The following FOXP2 variants were observed in gnomAD, a reference collection of about 807,000 sequenced individuals.
FOXP2 encodes forkhead box P2, also known as forkhead box protein P2.
A neutral mutation model predicts 115.8 loss-of-function variants in FOXP2; 12 were observed. The ratio of observed to expected loss-of-function variants is 0.10; its 90% CI spans 0.07 to 0.17. The LOEUF is 0.17. Among genes scored for constraint, FOXP2 ranks in the 10% least tolerant of loss-of-function variants. The pLI, the probability that FOXP2 is intolerant of heterozygous loss-of-function variation, is 1.00. For synonymous variants in FOXP2, 328 were observed against 297.7 expected, an observed-to-expected ratio of 1.10 and a Z score of -1.05; for missense variants, 629 against 843.5, an observed-to-expected ratio of 0.75 and a Z score of 3.15.
At chr7:114,310,629 T>G (rs1214557570) in intron 2 of FOXP2, among the ~76,000 whole-genome samples, 1 of 152,108 alleles carries the variant, frequency 6.6e-6, no homozygotes, top group Non-Finnish European at 1.5e-5. Context: ...AAGCTGTGGT[T>G]TTCCTTTCTC....
intron 1 of FOXP2, among the ~76,000 whole-genome samples, chr7:114,212,099 T>TAAAAC (rs1794369173): frequency 1.1e-5 from 1 of 94,494 alleles, no homozygotes; most frequent in East Asian, 3.0e-4. Flanking sequence ...TAAAATAAAA[T>TAAAAC]AAAATAAAAT....
rs1333881396 is a variant in FOXP2, at chr7:114,688,577, AG to A, written c.2004-1203del. 2.6e-5 allele frequency among the ~76,000 whole-genome samples: 4 copies of A among 152,264 alleles called. No individual in the cohort carries two copies. The East Asian group carries it at 7.7e-4, about 29-fold the overall frequency. ...TGCATCTAATGTGTCAAAAATAATT[AG>A]GTTTTGGCAGATTTATCATTGCAGC... On this transcript the variant is annotated intron_variant, in intron 16 of 16. Transcript: ENST00000350908.
intron 1 of FOXP2, among the ~76,000 whole-genome samples, chr7:114,282,773 C>T (rs964494577): frequency 4.6e-5 from 7 of 152,114 alleles, no homozygotes; most frequent in Non-Finnish European, 1.0e-4. Flanking sequence ...GGCAGTTTTA[C>T]AGCATTTAGC....
rs1023859634 is a variant in FOXP2, at chr7:114,103,096, G to A, written c.-247+15258G>A. ...CATAATTTTACCAGAGTTCAGGGCC[G>A]AACAAAAATGTGAGAAATGTCTCCA... is the stretch of plus-strand genomic sequence containing the variant. On this transcript the variant is annotated intron_variant, in intron 1 of 19. Transcript: ENST00000635638. Among the ~76,000 whole-genome samples the A allele has an allele frequency of 3.9e-5, 6 of 151,970 alleles. No individual in the cohort carries two copies. In the South Asian group the frequency reaches 6.2e-4, roughly 16 times the overall value.
At chr7:114,595,378 A>T (rs1802641337) in intron 3 of FOXP2, among the ~76,000 whole-genome samples, 1 of 152,050 alleles carries the variant, frequency 6.6e-6, no homozygotes, top group Non-Finnish European at 1.5e-5. Flanking sequence ...CGCAGATCTA[A>T]GGCTCCAATA....
At chr7:114,192,046 T>C (rs531126147) in intron 1 of FOXP2, among the ~76,000 whole-genome samples, 13 of 96,518 alleles carry the variant, frequency 1.3e-4, no homozygotes, top group African/African-American at 3.7e-4. Context: ...CCAGCAATTC[T>C]CCTGCCTCAG....
chr7:114,358,691 C>T (rs1397735439), intron 2 of FOXP2, among the ~76,000 whole-genome samples: 6 of 152,184 alleles, frequency 3.9e-5, no homozygotes, highest in South Asian at 4.2e-4. Flanking sequence ...GCATTTTGCC[C>T]CTGCCCTAGA....
intron 2 of FOXP2, among the ~76,000 whole-genome samples, chr7:114,294,562 T>C (rs1183497564): frequency 1.3e-5 from 2 of 152,160 alleles, no homozygotes; most frequent in East Asian, 3.9e-4. Flanking sequence ...AATTCTCAGC[T>C]GGGTGTGGTG....
chr7:114,539,589 T>G (rs1799558919), intron 3 of FOXP2, among the ~76,000 whole-genome samples: 1 of 152,044 alleles, frequency 6.6e-6, no homozygotes, highest in Non-Finnish European at 1.5e-5. Flanking sequence ...CAAATACTGT[T>G]TACAAGAACA....
intron 2 of FOXP2, among the ~76,000 whole-genome samples, chr7:114,503,794 GCT>G (rs1797674162): frequency 6.6e-6 from 1 of 151,004 alleles, no homozygotes; most frequent in African/African-American, 2.4e-5. Flanking sequence ...AATAGCCTGT[GCT>G]CTTTTTGTCC....
chr7:114,238,939 C>T (rs1662247003), intron 1 of FOXP2, among the ~76,000 whole-genome samples: 1 of 148,626 alleles, frequency 6.7e-6, no homozygotes, highest in East Asian at 1.9e-4. Flanking sequence ...ATATATAATA[C>T]AAACATTTAT....
intron 1 of FOXP2, among the ~76,000 whole-genome samples, chr7:114,141,655 A>G (rs1792211233): frequency 6.6e-6 from 1 of 152,182 alleles, no homozygotes; most frequent in Non-Finnish European, 1.5e-5. Flanking sequence ...AGGTAACCCA[A>G]GTTGCTCTCC....
chr7:114,534,727 C>G (rs747276775), intron 3 of FOXP2, 21 bp downstream of exon 3: 35 of 1,579,916 alleles, frequency 2.2e-5, no homozygotes, highest in Non-Finnish European at 2.7e-5. Context: ...CACTCCTGTC[C>G]TTGGGGTCTT....
intron 2 of FOXP2, among the ~76,000 whole-genome samples, chr7:114,448,543 A>G (rs1300482362): frequency 1.3e-5 from 2 of 152,148 alleles, no homozygotes; most frequent in Admixed American, 1.3e-4. Flanking sequence ...GCCTTTTTCT[A>G]TTCCTGATGT....
intron 16 of FOXP2, among the ~76,000 whole-genome samples, chr7:114,681,837 A>G (rs1308072286): frequency 6.6e-6 from 1 of 152,218 alleles, no homozygotes; most frequent in African/African-American, 2.4e-5. Flanking sequence ...TGAGGCACAT[A>G]TATCTTTGTT....
At chr7:114,577,570 A>G (rs576706657) in intron 3 of FOXP2, among the ~76,000 whole-genome samples, 1 of 152,134 alleles carries the variant, frequency 6.6e-6, no homozygotes, top group Non-Finnish European at 1.5e-5. Flanking sequence ...TGTAATGCTC[A>G]GGCTCTCACA....
intron 10 of FOXP2, chr7:114,656,736 C>T (rs1806613272): frequency 4.9e-6 from 1 of 202,782 alleles, no homozygotes; most frequent in South Asian, 7.1e-5. Flanking sequence ...TGTGCTTCTT[C>T]TGGCTGCTGC....
In FOXP2 at chr7:114,155,075, G is replaced by T. The variant is rs574260394; in HGVS notation, c.-246-7869G>T. Among the ~76,000 whole-genome samples the T allele has an allele frequency of 5.3e-5, 8 of 152,154 alleles. No homozygotes were observed. The South Asian group carries it at 1.5e-3, about 28-fold the overall frequency. ...TTGGCTGCTAATACAGTTATTAATA[G>T]AATTTAGAAAATGACTTAGTACTCC... On this transcript the variant is annotated intron_variant, in intron 1 of 19. Coordinates refer to the FOXP2 transcript ENST00000635638.
chr7:114,287,482 G>C (rs928052078), intron 1 of FOXP2, among the ~76,000 whole-genome samples: 1 of 151,928 alleles, frequency 6.6e-6, no homozygotes, highest in Non-Finnish European at 1.5e-5. Flanking sequence ...AACGAGAGTA[G>C]TTGAATCGGA....
Sources: gnomAD v4.1 joint callset for allele counts (sites outside exome capture counted in the v4.1 genomes callset) on GRCh38, gnomAD v4.1.1 for gene constraint, MANE v1.5 for transcripts, NCBI Gene and HGNC (gene_info 2026-07-23, HGNC 2026-07-21) for gene names.